Variants in ITGA9 observed in about 807,000 individuals in gnomAD.
The protein encoded by ITGA9 is integrin alpha-9.
ITGA9 carries 56 observed loss-of-function variants against 127.8 expected under a neutral mutation model. That is an observed-to-expected ratio of 0.44 (90% CI 0.35 to 0.55). The LOEUF is 0.55. ITGA9 is among the 20% of genes least tolerant of loss of function. ITGA9 has a pLI of 0.00. For missense variants in ITGA9, 1,196 were observed against 1,347.1 expected, an observed-to-expected ratio of 0.89 and a Z score of 1.76; for synonymous variants, 508 against 514.5, an observed-to-expected ratio of 0.99 and a Z score of 0.17.
intron 3 of ITGA9, among the ~76,000 whole-genome samples, chr3:37,479,690 G>T (rs1254977094): frequency 1.3e-5 from 2 of 152,198 alleles, no homozygotes; most frequent in Admixed American, 6.5e-5. Context: ...GCCCCAGGGG[G>T]TGGGTTTTGA....
chr3:37,520,053 T>C (rs1699028511), intron 11 of ITGA9, among the ~76,000 whole-genome samples: 1 of 152,220 alleles, frequency 6.6e-6, no homozygotes, highest in South Asian at 2.1e-4. Flanking sequence ...TCAACAAATA[T>C]TTATTTATTG....
At chr3:37,582,955 T>A (rs1353254585) in intron 15 of ITGA9, among the ~76,000 whole-genome samples, 1 of 152,206 alleles carries the variant, frequency 6.6e-6, no homozygotes, top group South Asian at 2.1e-4. Context: ...TATTGAAACC[T>A]TGGTGGAAAT....
Position 37,741,759 on chromosome 3 carries a change from A to T in ITGA9, c.2264A>T (p.His755Leu), listed in dbSNP as rs146401764. 11 of 1,613,896 alleles carry T rather than the reference A, an allele frequency of 6.8e-6. No individual in the cohort carries two copies. In the African/African-American group the frequency reaches 9.3e-5, roughly 14 times the overall value. Reference sequence around the variant, plus strand: ...AACACGGAGCGCTCTGAATCCCTGCATGACAACACCCTCGTGCTGATGGTG... The same window carrying T: ...AACACGGAGCGCTCTGAATCCCTGCTTGACAACACCCTCGTGCTGATGGTG... ...SGNTERSESL[H>L]DNTLVLMVPL... Residue 755 changes from histidine to leucine, a missense_variant, in exon 21 of 28, where the codon CAT (histidine) becomes CTT (leucine). Coordinates refer to ENST00000264741, the MANE Select transcript of ITGA9 (RefSeq NM_002207.3).
chr3:37,627,094 T>C (rs1700182907), intron 15 of ITGA9, among the ~76,000 whole-genome samples: 2 of 152,176 alleles, frequency 1.3e-5, no homozygotes, highest in South Asian at 4.1e-4. Flanking sequence ...TGCCCCGATA[T>C]CTGGAGTTCA....
At chr3:37,656,579 G>A (rs1303155387) in intron 17 of ITGA9, among the ~76,000 whole-genome samples, 1 of 152,190 alleles carries the variant, frequency 6.6e-6, no homozygotes, top group African/African-American at 2.4e-5. Flanking sequence ...ATCAGCTTAA[G>A]GAGATTTTGG....
intron 8 of ITGA9, among the ~76,000 whole-genome samples, chr3:37,513,456 A>G (rs909665785): frequency 3.9e-5 from 6 of 151,976 alleles, no homozygotes; most frequent in Non-Finnish European, 5.9e-5. Flanking sequence ...TTTAGTATAC[A>G]TTAAGTTTTA....
chr3:37,508,536 A>ATT (rs762490469), intron 7 of ITGA9, 23 bp from the exon 8 acceptor site: 102 of 1,202,062 alleles, frequency 8.5e-5, no homozygotes, highest in Middle Eastern at 2.1e-4. Flanking sequence ...TCCTAACTAG[A>ATT]TTTTTTTTTT....
At chr3:37,704,553 AC>A (rs1700982459) in intron 18 of ITGA9, among the ~76,000 whole-genome samples, 1 of 152,134 alleles carries the variant, frequency 6.6e-6, no homozygotes, top group Non-Finnish European at 1.5e-5. Flanking sequence ...GTGAAGTCTT[AC>A]CCTTTGTGAG....
intron 4 of ITGA9, 137 bp from the exon 5 acceptor site, chr3:37,494,364 C>A: frequency 1.4e-6 from 1 of 714,248 alleles, no homozygotes. Context: ...CTTCCTCACC[C>A]CAGTCTGGAT....
intron 12 of ITGA9, among the ~76,000 whole-genome samples, 162 bp from the exon 13 acceptor site, chr3:37,525,864 G>A (rs1699087691): frequency 6.6e-6 from 1 of 152,190 alleles, no homozygotes; most frequent in Non-Finnish European, 1.5e-5. Context: ...GTCAGAGAGT[G>A]TGGCTTCCAT....
rs186450884 is a variant in ITGA9 at position 37,710,420 on chromosome 3, A to G, written c.2068-22292A>G. 1.1e-4 allele frequency among the ~76,000 whole-genome samples: 16 copies of G among 152,130 alleles called. No individual in the cohort carries two copies. The East Asian group carries it at 3.1e-3, about 29-fold the overall frequency. On this transcript the variant is annotated intron_variant, in intron 18 of 27. Transcript: ENST00000264741. ...AAATATCCCCCCCCCACACACATAA[A>G]TAGAGAACAATAAAAGATAACGTCG...
intron 14 of ITGA9, among the ~76,000 whole-genome samples, chr3:37,540,672 T>G (rs1313807040): frequency 6.6e-6 from 1 of 152,156 alleles, no homozygotes; most frequent in Non-Finnish European, 1.5e-5. Flanking sequence ...TCTTAAAAAA[T>G]GAAGGTTTTT....
At chr3:37,554,038 G>C (rs1699406026) in intron 15 of ITGA9, among the ~76,000 whole-genome samples, 1 of 152,104 alleles carries the variant, frequency 6.6e-6, no homozygotes, top group African/African-American at 2.4e-5. Flanking sequence ...CCGTAGGCTG[G>C]GGGGCCCTCA....
At chr3:37,578,750 G>A (rs1300810717) in intron 15 of ITGA9, among the ~76,000 whole-genome samples, 1 of 152,110 alleles carries the variant, frequency 6.6e-6, no homozygotes, top group East Asian at 1.9e-4. Context: ...ATCTCAGCAG[G>A]CTCCTGTGTC....
chr3:37,672,876 A>G (rs568988545), intron 17 of ITGA9, among the ~76,000 whole-genome samples: 111 of 151,990 alleles, frequency 7.3e-4, no homozygotes, highest in African/African-American at 2.5e-3. Flanking sequence ...TTTTGGGTAC[A>G]ATATTCTTTT....
At chr3:37,664,683 T>G (rs1700568646) in intron 17 of ITGA9, among the ~76,000 whole-genome samples, 1 of 151,874 alleles carries the variant, frequency 6.6e-6, no homozygotes, top group Non-Finnish European at 1.5e-5. Context: ...ATTACAGGCA[T>G]GAACCACCGC....
intron 15 of ITGA9, among the ~76,000 whole-genome samples, chr3:37,598,736 A>G (rs1303451104): frequency 2.0e-5 from 3 of 152,150 alleles, no homozygotes. Context: ...ATTTTTCACA[A>G]CCAAAGGTGG....
At chr3:37,737,727 G>A (rs1347652596) in intron 20 of ITGA9, among the ~76,000 whole-genome samples, 1 of 152,200 alleles carries the variant, frequency 6.6e-6, no homozygotes, top group Non-Finnish European at 1.5e-5. Context: ...GATTGGGGTG[G>A]TGGTTGGACA....
chr3:37,748,578 T>TGAA (rs1696537697), intron 22 of ITGA9: 3 of 460,354 alleles, frequency 6.5e-6, no homozygotes, highest in Non-Finnish European at 1.2e-5. Context: ...TGAAATCCCG[T>TGAA]CTCTACTAAA....
Sources: gnomAD v4.1 joint callset for allele counts (sites outside exome capture counted in the v4.1 genomes callset) on GRCh38, gnomAD v4.1.1 for gene constraint, MANE v1.5 for transcripts, NCBI Gene and HGNC (gene_info 2026-07-23, HGNC 2026-07-21) for gene names.